RELCH: variants seen among roughly 807,000 people sequenced by gnomAD.
RELCH encodes RAB11 binding and LisH domain, coiled-coil and HEAT repeat containing.
RELCH carries 41 observed loss-of-function variants against 150.3 expected under a neutral mutation model. The ratio of observed to expected loss-of-function variants is 0.27; its 90% CI spans 0.21 to 0.35. RELCH has a LOEUF of 0.35. RELCH is among the 10% of genes least tolerant of loss of function. The probability of loss-of-function intolerance (pLI) is 1.00; values close to 1 mark genes in which losing one functional copy is unlikely to be tolerated. For synonymous variants in RELCH, 478 were observed against 531.8 expected (o/e 0.90, Z 1.39); for missense variants, 1,092 against 1,467.8 (o/e 0.74, Z 4.18).
chr18:62,216,162 C>G lies in RELCH; in HGVS notation c.617-4875C>G, dbSNP rs182785208. 2.1e-3 allele frequency among the ~76,000 whole-genome samples: 316 copies of G among 151,766 alleles called. 4 individuals carry two copies. The highest frequency in any genetic ancestry group is 7.4e-3 in the African/African-American group (306 of 41,374). Reference sequence around the variant, plus strand: ...ATCTGTATTCTAAATATCGAGATAGCCATTATTTAACTTATTTTAGGCATT... The same window carrying G: ...ATCTGTATTCTAAATATCGAGATAGGCATTATTTAACTTATTTTAGGCATT... On this transcript the variant is annotated intron_variant, in intron 2 of 28. Transcript: ENST00000644646.
chr18:62,258,200 G>T, intron 14 of RELCH, 112 bp downstream of exon 14: 1 of 991,086 alleles, frequency 1.0e-6, no homozygotes. Flanking sequence ...TGGCAGGTAT[G>T]TCAACTTTAG....
intron 25 of RELCH, among the ~76,000 whole-genome samples, chr18:62,283,142 G>A (rs549529303): frequency 8.5e-5 from 13 of 152,198 alleles, no homozygotes; most frequent in African/African-American, 2.2e-4. Flanking sequence ...GGAAATTTTT[G>A]TGTGTTTCTA....
intron 20 of RELCH, among the ~76,000 whole-genome samples, chr18:62,270,300 G>C (rs1470839418): frequency 1.3e-5 from 2 of 152,188 alleles, no homozygotes; most frequent in African/African-American, 4.8e-5. Context: ...GCACAGCTCA[G>C]ATTCAAGCAA....
At chr18:62,276,542 G>A (rs1194654068) in intron 22 of RELCH, among the ~76,000 whole-genome samples, 1 of 152,014 alleles carries the variant, frequency 6.6e-6, no homozygotes, top group African/African-American at 2.4e-5. Context: ...CAATATTCAT[G>A]TGTTTCTTAA....
chr18:62,251,283 G>A (rs1480027780), intron 11 of RELCH, among the ~76,000 whole-genome samples: 2 of 151,686 alleles, frequency 1.3e-5, no homozygotes, highest in South Asian at 4.1e-4. Flanking sequence ...CATCTCAGCT[G>A]GAGAAGGGAT....
At chr18:62,258,130 T>C (rs1240715862) in intron 14 of RELCH, 42 bp downstream of exon 14, 1 of 1,469,822 alleles carries the variant, frequency 6.8e-7, no homozygotes, top group Non-Finnish European at 9.4e-7. Flanking sequence ...CATTATAAAA[T>C]TCCAAGTATT....
In RELCH at chr18:62,289,782, G is replaced by A. The variant is rs985625015; in HGVS notation, c.3371-1761G>A. Among the ~76,000 whole-genome samples the A allele has an allele frequency of 2.0e-5, 3 of 152,212 alleles. No individual in the cohort carries two copies. The East Asian group carries it at 5.8e-4, about 29-fold the overall frequency. ...ATGGAACTAATTACCTTTAACTTTC[G>A]AATCCTTGAGAAAGATTGATCCATA... On this transcript the variant is annotated intron_variant, in intron 26 of 28. Transcript: ENST00000644646.
intron 1 of RELCH, among the ~76,000 whole-genome samples, chr18:62,208,769 C>T (rs1281920381): frequency 6.6e-6 from 1 of 152,146 alleles, no homozygotes; most frequent in East Asian, 1.9e-4. Context: ...ATTTGGCTTT[C>T]TGTTCCTACG....
Position 62,217,103 on chromosome 18 carries a change from A to G in RELCH, c.617-3934A>G, listed in dbSNP as rs538242810. Among the ~76,000 whole-genome samples the G allele has an allele frequency of 2.6e-5, 4 of 152,200 alleles. No homozygotes were observed. The East Asian group carries it at 5.8e-4, about 22-fold the overall frequency. On this transcript the variant is annotated intron_variant, in intron 2 of 28. Transcript: ENST00000644646. ...GAATACATCATTGTGGTGGGTGGTT[A>G]TATTTAATCTAAAAATAAAAGTGAT...
chr18:62,296,906 G>GTA (rs1236963911), intron 27 of RELCH, among the ~76,000 whole-genome samples: 10 of 152,296 alleles, frequency 6.6e-5, no homozygotes, highest in African/African-American at 2.4e-4. Context: ...ATATGTAGCT[G>GTA]GATTAAGTTT....
At chr18:62,201,596 A>G (rs1390919870) in intron 1 of RELCH, among the ~76,000 whole-genome samples, 1 of 152,218 alleles carries the variant, frequency 6.6e-6, no homozygotes, top group African/African-American at 2.4e-5. Flanking sequence ...AAAAGCTCAA[A>G]TAATACAAAG....
intron 1 of RELCH, among the ~76,000 whole-genome samples, chr18:62,188,456 G>A (rs1311421436): frequency 6.6e-6 from 1 of 152,210 alleles, no homozygotes; most frequent in African/African-American, 2.4e-5. Context: ...AGGAGAGAAA[G>A]AATAGGACAC....
intron 1 of RELCH, among the ~76,000 whole-genome samples, chr18:62,208,262 C>A (rs1477412893): frequency 6.6e-6 from 1 of 151,044 alleles, no homozygotes; most frequent in East Asian, 2.0e-4. Context: ...TTCTTTATAT[C>A]ATGTAGATAT....
Position 62,187,965 on chromosome 18 carries a change from G to A in RELCH, c.460G>A (p.Gly154Arg), listed in dbSNP as rs752884461. The A allele has an allele frequency of 6.3e-7, 1 of 1,599,944 alleles. No individual in the cohort carries two copies. The highest frequency in any genetic ancestry group is 1.1e-5 in the South Asian group (1 of 88,792). The change falls in exon 1 of 29, where the codon GGA (glycine) becomes AGA (arginine). Residue 154 changes from glycine to arginine, a missense_variant. Gly to Arg is a moderately radical substitution (Grantham distance 125). This residue lies in a region of RELCH where 190 missense variants were observed against 276.2 expected (regional missense o/e 0.69). Transcript: ENST00000644646. ...GGGGATGGGGGCGCCAGGGGTCCCTGGAGCAGCCGGCGTTGGGGGCGCTGG... is the reference window on the plus strand; with the variant it reads ...GGGGATGGGGGCGCCAGGGGTCCCTAGAGCAGCCGGCGTTGGGGGCGCTGG... ...PPGMGAPGVPGAAGVGGAGGR... is the reference protein window; with the variant it reads ...PPGMGAPGVPRAAGVGGAGGR...
chr18:62,204,243 A>T (rs2039641330), intron 1 of RELCH, among the ~76,000 whole-genome samples: 1 of 152,182 alleles, frequency 6.6e-6, no homozygotes, highest in Non-Finnish European at 1.5e-5. Context: ...AATAAAAAAT[A>T]TTGGAGAAAA....
intron 10 of RELCH, among the ~76,000 whole-genome samples, chr18:62,242,901 A>G (rs1227341394): frequency 6.6e-6 from 1 of 152,142 alleles, no homozygotes; most frequent in African/African-American, 2.4e-5. Context: ...AACTTTAAAC[A>G]GTAATAGGCT....
At chr18:62,233,573 GTCATAAGATAT>G (rs1285083306) in intron 10 of RELCH, among the ~76,000 whole-genome samples, 10 of 151,912 alleles carry the variant, frequency 6.6e-5, no homozygotes, top group Non-Finnish European at 1.0e-4. Context: ...TTTTAAAATA[GTCATAAGATAT>G]TAATAAGTAT....
At position 62,279,801 on chromosome 18, in the gene RELCH, C is replaced by G; in HGVS notation, c.2995C>G (p.Leu999Val). 3 of 1,535,772 alleles carry G rather than the reference C, an allele frequency of 2.0e-6. No homozygotes were observed. Among genetic ancestry groups the G allele is most frequent in the Non-Finnish European group, 2.6e-6 (3 of 1,146,642 alleles). Residue 999 changes from leucine to valine, a missense_variant, in exon 23 of 29, where the codon CTG becomes GTG. Around this residue, in one of 4 missense-constraint regions of RELCH, gnomAD observed 707 missense variants for 1,025.4 expected, o/e 0.69. Coordinates refer to ENST00000644646, the MANE Select transcript of RELCH (RefSeq NM_001346231.2). ...GTTGGTGAAGGGGGTGAATGAAACT[C>G]TGGTAGCTCAGAGGGTTGTTCCTGC... ...ELLVKGVNETLVAQRVVPALI... is the reference protein window; with the variant it reads ...ELLVKGVNETVVAQRVVPALI...
chr18:62,259,266 G>A (rs946842194), intron 15 of RELCH, among the ~76,000 whole-genome samples: 5 of 151,940 alleles, frequency 3.3e-5, no homozygotes, highest in Non-Finnish European at 5.9e-5. Context: ...TATAAAAAGA[G>A]ATAGGAAGTA....
Sources: gnomAD v4.1 joint callset for allele counts (sites outside exome capture counted in the v4.1 genomes callset) on GRCh38, gnomAD v4.1.1 for gene constraint, gnomAD v4.1.1 regional missense constraint, MANE v1.5 for transcripts, NCBI Gene and HGNC (gene_info 2026-07-23, HGNC 2026-07-21) for gene names.